The following CSMD1 variants were observed in gnomAD, a reference collection of about 807,000 sequenced individuals.
The protein encoded by CSMD1 is CUB and sushi domain-containing protein 1.
In CSMD1, 213 loss-of-function variants were observed where a neutral mutation model predicts 417.5. The observed-to-expected ratio is 0.51, with a 90% confidence interval of 0.46 to 0.57. CSMD1 has a LOEUF of 0.57. Among genes scored for constraint, CSMD1 ranks in the 20% least tolerant of loss-of-function variants. The probability of loss-of-function intolerance (pLI) is 0.00; values close to 1 mark genes in which losing one functional copy is unlikely to be tolerated. For synonymous variants in CSMD1, 2,862 were observed against 1,736.8 expected (o/e 1.65, Z -16.11); for missense variants, 6,923 against 4,529.7 (o/e 1.53, Z -15.17).
chr8:4,366,546 C>A (rs141336723), intron 3 of CSMD1, among the ~76,000 whole-genome samples: 2 of 152,124 alleles, frequency 1.3e-5, no homozygotes, highest in Admixed American at 6.5e-5. Flanking sequence ...CCACTCACAG[C>A]ATATAAAAAC....
At chr8:4,968,046 C>T (rs558950084) in intron 1 of CSMD1, among the ~76,000 whole-genome samples, 1 of 151,948 alleles carries the variant, frequency 6.6e-6, no homozygotes, top group African/African-American at 2.4e-5. Flanking sequence ...ACCAAGCCAG[C>T]CAAATTAGAG....
chr8:4,400,396 G>A (rs976513632), intron 3 of CSMD1, among the ~76,000 whole-genome samples: 1 of 152,228 alleles, frequency 6.6e-6, no homozygotes, highest in East Asian at 1.9e-4. Flanking sequence ...TCCTGTGTTT[G>A]CCGTTCCAGG....
At chr8:3,718,228 G>C (rs1010819840) in intron 6 of CSMD1, among the ~76,000 whole-genome samples, 1 of 152,112 alleles carries the variant, frequency 6.6e-6, no homozygotes, top group Non-Finnish European at 1.5e-5. Context: ...GGAAACAGTT[G>C]TTGTCTTCAC....
intron 23 of CSMD1, among the ~76,000 whole-genome samples, chr8:3,338,462 G>C (rs1034472477): frequency 6.6e-6 from 1 of 152,342 alleles, no homozygotes; most frequent in African/African-American, 2.4e-5. Flanking sequence ...GTGATGAGGG[G>C]ACCAATTCAG....
chr8:3,628,531 T>C (rs1392618731), intron 7 of CSMD1, among the ~76,000 whole-genome samples: 1 of 152,098 alleles, frequency 6.6e-6, no homozygotes, highest in Non-Finnish European at 1.5e-5. Flanking sequence ...AAGCCCTTAG[T>C]GATGAAAGCC....
intron 11 of CSMD1, among the ~76,000 whole-genome samples, chr8:3,487,613 A>C (rs1818129262): frequency 6.6e-6 from 1 of 152,198 alleles, no homozygotes; most frequent in African/African-American, 2.4e-5. Flanking sequence ...TGGTGTATAA[A>C]TATTTAGAAT....
chr8:3,910,725 T>G (rs1218228714), intron 5 of CSMD1, among the ~76,000 whole-genome samples: 5 of 152,326 alleles, frequency 3.3e-5, no homozygotes, highest in Admixed American at 1.3e-4. Context: ...ATTAAGGATA[T>G]AAAAACACAA....
chr8:3,272,496 C>A (rs1801941524), intron 26 of CSMD1, among the ~76,000 whole-genome samples: 1 of 147,854 alleles, frequency 6.8e-6, no homozygotes, highest in Non-Finnish European at 1.5e-5. Context: ...AAGGGGATGG[C>A]ATTGAATCTG....
intron 52 of CSMD1, among the ~76,000 whole-genome samples, chr8:3,003,443 G>A (rs1807589589): frequency 6.6e-6 from 1 of 152,116 alleles, no homozygotes; most frequent in African/African-American, 2.4e-5. Flanking sequence ...CTTCTCTGCT[G>A]TGTCTCTACC....
intron 5 of CSMD1, among the ~76,000 whole-genome samples, chr8:3,990,069 G>C (rs959066510): frequency 6.6e-6 from 1 of 152,182 alleles, no homozygotes; most frequent in African/African-American, 2.4e-5. Flanking sequence ...GACTAAAATG[G>C]AGTGGGCGCA....
intron 4 of CSMD1, among the ~76,000 whole-genome samples, chr8:4,004,422 T>G (rs1585116326): frequency 9.6e-6 from 1 of 104,078 alleles, no homozygotes; most frequent in African/African-American, 4.1e-5. Context: ...CCATGAATCT[T>G]TTTTTTTTTT....
intron 2 of CSMD1, among the ~76,000 whole-genome samples, chr8:4,585,745 A>T (rs1027247430): frequency 6.6e-6 from 1 of 152,216 alleles, no homozygotes; most frequent in African/African-American, 2.4e-5. Context: ...ACCAACATAG[A>T]GCTCTATACA....
At chr8:4,988,205 C>A (rs1811280977) in intron 1 of CSMD1, among the ~76,000 whole-genome samples, 1 of 152,162 alleles carries the variant, frequency 6.6e-6, no homozygotes, top group Admixed American at 6.6e-5. Context: ...GCATTATATG[C>A]ATTACTCTCC....
chr8:4,787,329 A>G, intron 1 of CSMD1: 1 of 729,214 alleles, frequency 1.4e-6, no homozygotes, highest in Non-Finnish European at 2.5e-6. Context: ...CCCACTCAGG[A>G]TAATGGCGAC....
At chr8:4,163,745 A>G (rs1213565673) in intron 3 of CSMD1, among the ~76,000 whole-genome samples, 1 of 152,182 alleles carries the variant, frequency 6.6e-6, no homozygotes, top group Non-Finnish European at 1.5e-5. Context: ...AGTAGCACTA[A>G]TACTGCTAAG....
intron 47 of CSMD1, among the ~76,000 whole-genome samples, chr8:3,095,578 C>T (rs1278002431): frequency 6.6e-6 from 1 of 152,070 alleles, no homozygotes; most frequent in South Asian, 2.1e-4. Flanking sequence ...TCAGTGATGT[C>T]TATCCATACA....
At chr8:4,750,066 G>GT (rs377512344) in intron 1 of CSMD1, among the ~76,000 whole-genome samples, 11,573 of 151,920 alleles carry the variant, frequency 0.076, 533 homozygotes, top group East Asian at 0.27. Context: ...GAGTGCAGTG[G>GT]GCGATCTCGG....
chr8:4,538,661 A>G (rs186780525), intron 2 of CSMD1, among the ~76,000 whole-genome samples: 183 of 152,284 alleles, frequency 1.2e-3, no homozygotes, highest in African/African-American at 3.6e-3. Flanking sequence ...ATGAAATGAA[A>G]TGAAATATAA....
chr8:3,029,225 T>C (rs1327080725), intron 51 of CSMD1, 94 bp downstream of exon 51: 2 of 962,460 alleles, frequency 2.1e-6, no homozygotes, highest in East Asian at 2.6e-5. Context: ...CTATGGTAGA[T>C]GATAGCTCCA....
Sources: gnomAD v4.1 joint callset for allele counts (sites outside exome capture counted in the v4.1 genomes callset) on GRCh38, gnomAD v4.1.1 for gene constraint, MANE v1.5 for transcripts, NCBI Gene and HGNC (gene_info 2026-07-23, HGNC 2026-07-21) for gene names.